The following LDLRAD4 variants were observed in gnomAD, a reference collection of about 807,000 sequenced individuals.
LDLRAD4 encodes low-density lipoprotein receptor class A domain-containing protein 4.
In LDLRAD4, 5 loss-of-function variants were observed where a neutral mutation model predicts 17.0. The observed-to-expected ratio is 0.29, with a 90% CI of 0.15 to 0.62. The LOEUF (loss-of-function observed/expected upper bound fraction) is 0.62, where lower values mean the gene tolerates loss of function less well. Among genes scored for constraint, LDLRAD4 ranks in the 20% least tolerant of loss-of-function variants. The pLI, the probability that LDLRAD4 is intolerant of heterozygous loss-of-function variation, is 0.84. For missense variants in LDLRAD4, 340 were observed against 424.7 expected (o/e 0.80, Z 1.75); for synonymous variants, 168 against 171.8 (o/e 0.98, Z 0.17).
intron 3 of LDLRAD4, among the ~76,000 whole-genome samples, chr18:13,532,529 G>C (rs550168026): frequency 6.6e-6 from 1 of 152,206 alleles, no homozygotes. Flanking sequence ...TAAAGTGGGA[G>C]GGAGGCGGAG....
intron 1 of LDLRAD4, among the ~76,000 whole-genome samples, chr18:13,282,034 A>C (rs973938775): frequency 6.6e-6 from 1 of 152,208 alleles, no homozygotes; most frequent in Non-Finnish European, 1.5e-5. Context: ...AGAATGAGGA[A>C]GAAGCAAAAG....
In LDLRAD4 at chr18:13,408,323, A is replaced by G. The variant is rs578186484; in HGVS notation, c.40+20561A>G. On this transcript the variant is annotated intron_variant, in intron 2 of 5. Transcript: ENST00000359446. ...TTCAAGTTTGAGGCTGCAGTGACCC[A>G]TGATCATGCCACTGCACTCCAGTCT... Among the ~76,000 whole-genome samples the G allele has an allele frequency of 4.7e-5, 7 of 148,162 alleles. 1 individual carries two copies. The highest frequency in any genetic ancestry group is 1.7e-4 in the African/African-American group (7 of 40,084).
chr18:13,306,320 G>A (rs970084786), intron 1 of LDLRAD4, among the ~76,000 whole-genome samples: 17 of 152,172 alleles, frequency 1.1e-4, no homozygotes, highest in African/African-American at 3.9e-4. Context: ...AAGAAGGCCT[G>A]GACAGTGAGA....
intron 1 of LDLRAD4, among the ~76,000 whole-genome samples, chr18:13,254,477 G>A (rs1206814824): frequency 1.3e-5 from 2 of 152,128 alleles, no homozygotes; most frequent in African/African-American, 4.8e-5. Context: ...AGAGAATCCC[G>A]CCTCTTCAAG....
At chr18:13,427,424 G>A (rs1213080566) in intron 2 of LDLRAD4, 1 of 152,666 alleles carries the variant, frequency 6.6e-6, no homozygotes, top group Non-Finnish European at 1.5e-5. Flanking sequence ...ACATGGGCTG[G>A]TGGAGTCTTG....
At chr18:13,218,073 C>G (rs2041253881), upstream of LDLRAD4, 1 of 151,886 alleles carries the variant, frequency 6.6e-6, no homozygotes, top group African/African-American at 2.4e-5. Context: ...GTCCCCGCCT[C>G]CGCTCCGGGG....
intron 3 of LDLRAD4, among the ~76,000 whole-genome samples, chr18:13,530,141 A>T (rs1269783489): frequency 6.6e-6 from 1 of 152,200 alleles, no homozygotes; most frequent in Non-Finnish European, 1.5e-5. Flanking sequence ...GCTTCCAGCC[A>T]TGTGTCTCCA....
chr18:13,296,226 C>A (rs949529887), intron 1 of LDLRAD4, among the ~76,000 whole-genome samples: 1 of 152,214 alleles, frequency 6.6e-6, no homozygotes, highest in South Asian at 2.1e-4. Flanking sequence ...ACCGCCAAAT[C>A]AGACCGGGCT....
chr18:13,353,602 G>A (rs1449382444), intron 1 of LDLRAD4, among the ~76,000 whole-genome samples: 1 of 152,176 alleles, frequency 6.6e-6, no homozygotes, highest in Non-Finnish European at 1.5e-5. Flanking sequence ...AAGCTGTGGT[G>A]GTTTTTGCCT....
chr18:13,649,830 G>A, exon 6 of LDLRAD4: 6 of 391,828 alleles, frequency 1.5e-5, no homozygotes, highest in Non-Finnish European at 2.7e-5. Flanking sequence ...TTGGAGCCAA[G>A]CCTTCATGCC....
In LDLRAD4 at chr18:13,349,983, A is replaced by G. The variant is rs530904961; in HGVS notation, c.-382-37358A>G. On this transcript the variant is annotated intron_variant, in intron 1 of 5. Coordinates refer to ENST00000359446, the Ensembl canonical transcript of LDLRAD4. Reference sequence around the variant, plus strand: ...CGATCTCATTCCTTTTTATGGCTGCATAGTATTCCATGGTGTATATGTACC... The same window carrying G: ...CGATCTCATTCCTTTTTATGGCTGCGTAGTATTCCATGGTGTATATGTACC... Among the ~76,000 whole-genome samples the G allele has an allele frequency of 3.9e-5, 6 of 152,306 alleles. 1 individual carries two copies. The East Asian group carries it at 1.2e-3, about 29-fold the overall frequency.
At chr18:13,536,672 A>T (rs1054990894) in intron 3 of LDLRAD4, among the ~76,000 whole-genome samples, 6 of 152,020 alleles carry the variant, frequency 3.9e-5, no homozygotes, top group Non-Finnish European at 7.4e-5. Context: ...AAAAGCATTT[A>T]AAAAAATAGG....
At chr18:13,566,519 C>T (rs942536781) in intron 3 of LDLRAD4, among the ~76,000 whole-genome samples, 16 of 152,074 alleles carry the variant, frequency 1.1e-4, no homozygotes, top group Non-Finnish European at 1.5e-4. Context: ...CCTGCCACCA[C>T]GCCCGGCTGA....
At chr18:13,431,076 CA>C (rs1366665988) in intron 2 of LDLRAD4, among the ~76,000 whole-genome samples, 2 of 152,158 alleles carry the variant, frequency 1.3e-5, no homozygotes, top group Non-Finnish European at 2.9e-5. Context: ...GTTCTATAGA[CA>C]TTTGGTTTTC....
chr18:13,394,005 C>A (rs1196491608), intron 2 of LDLRAD4, among the ~76,000 whole-genome samples: 1 of 150,146 alleles, frequency 6.7e-6, no homozygotes, highest in Non-Finnish European at 1.5e-5. Flanking sequence ...AGACAGTCTG[C>A]CTACTTGCAA....
upstream of LDLRAD4, among the ~76,000 whole-genome samples, chr18:13,277,899 T>A (rs1407506688): frequency 6.6e-6 from 1 of 152,226 alleles, no homozygotes; most frequent in Non-Finnish European, 1.5e-5. Context: ...GGGGATTTTG[T>A]CCCAGTTTGG....
chr18:13,488,693 G>A lies in LDLRAD4; in HGVS notation c.181+50309G>A, dbSNP rs2093291041. 3 of 152,108 alleles carry A rather than the reference G, an allele frequency of 2.0e-5. No individual in the cohort carries two copies. The South Asian group carries it at 6.2e-4, about 32-fold the overall frequency. 9.4% of individuals were successfully genotyped at this position (152,108 alleles called of 1,614,324 possible). ...AGTTCCTGAGCCTCCTGCTCTGCAA[G>A]ACGCACCCTGCACATGCACGCTCAC... On this transcript the variant is annotated intron_variant, in intron 3 of 5. Transcript: ENST00000359446.
chr18:13,560,497 T>A (rs1190621893), intron 3 of LDLRAD4, among the ~76,000 whole-genome samples: 3 of 152,188 alleles, frequency 2.0e-5, no homozygotes, highest in Non-Finnish European at 4.4e-5. Context: ...TGATGTCTCT[T>A]CCCATGGGCT....
chr18:13,561,581 C>T (rs929692151), intron 3 of LDLRAD4: 3 of 152,178 alleles, frequency 2.0e-5, no homozygotes, highest in Admixed American at 6.5e-5. Flanking sequence ...ACTTCATCAT[C>T]GGGAGTGGTG....
Sources: gnomAD v4.1 joint callset for allele counts (sites outside exome capture counted in the v4.1 genomes callset) on GRCh38, gnomAD v4.1.1 for gene constraint, MANE v1.5 for transcripts, NCBI Gene and HGNC (gene_info 2026-07-23, HGNC 2026-07-21) for gene names.